VAPB: variants seen among roughly 807,000 people sequenced by gnomAD.
VAPB encodes vesicle-associated membrane protein-associated protein B/C.
Under a neutral mutation model 25.6 loss-of-function variants are expected in VAPB, and 7 were observed. The ratio of observed to expected loss-of-function variants is 0.27; its 90% CI spans 0.16 to 0.51. The LOEUF is 0.51. Ranked by LOEUF, VAPB falls within the 20% of genes least tolerant of loss-of-function variation. VAPB has a pLI of 0.97. For missense variants in VAPB, 266 were observed against 301.3 expected (o/e 0.88, Z 0.87); for synonymous variants, 112 against 109.2 (o/e 1.03, Z -0.16).
chr20:58,427,063 A>G (rs1327724675), intron 2 of VAPB, among the ~76,000 whole-genome samples: 3 of 143,078 alleles, frequency 2.1e-5, no homozygotes, highest in East Asian at 4.3e-4. Flanking sequence ...TATGATGCAG[A>G]CGAAAGTGAT....
chr20:58,410,028 A>C (rs1352699376), intron 1 of VAPB, among the ~76,000 whole-genome samples: 1 of 152,116 alleles, frequency 6.6e-6, no homozygotes, highest in Non-Finnish European at 1.5e-5. Flanking sequence ...AAAAGACCAA[A>C]TGCTTTTTCC....
intron 2 of VAPB, among the ~76,000 whole-genome samples, chr20:58,425,769 A>G (rs2123071547): frequency 6.6e-6 from 1 of 152,338 alleles, no homozygotes; most frequent in African/African-American, 2.4e-5. Context: ...CAGCCCTGCT[A>G]ACACAAAAAT....
In VAPB at chr20:58,448,532, GCAA is replaced by G; in HGVS notation, c.*4299_*4301del. 2.2e-6 allele frequency: 1 copy of G among 454,040 alleles called. No homozygotes were observed. 28.1% of individuals were successfully genotyped at this position (454,040 alleles called of 1,614,324 possible). A position where few individuals can be genotyped will look rare whatever the true frequency, so the allele number is the denominator to read the frequency against. ...TAAAGGCTCCAGGAGGTTAAATCGG[GCAA>G]CTTTTTAGAACTAAATCAGTCTCTG... On this transcript the variant is annotated 3_prime_UTR_variant, in exon 6 of 6. Coordinates refer to ENST00000475243, the MANE Select transcript of VAPB (RefSeq NM_004738.5).
intron 2 of VAPB, among the ~76,000 whole-genome samples, chr20:58,426,252 G>T (rs1453564284): frequency 6.6e-6 from 1 of 152,116 alleles, no homozygotes; most frequent in African/African-American, 2.4e-5. Flanking sequence ...AGCCTGGAGT[G>T]CATGCCGCTC....
chr20:58,421,819 A>G (rs1370605520), intron 2 of VAPB, among the ~76,000 whole-genome samples: 2 of 152,196 alleles, frequency 1.3e-5, no homozygotes, highest in Admixed American at 6.5e-5. Context: ...TTGAAGGCAC[A>G]CAGGTTCAGA....
At chr20:58,411,764 C>T (rs188998532) in intron 1 of VAPB, among the ~76,000 whole-genome samples, 18 of 152,178 alleles carry the variant, frequency 1.2e-4, no homozygotes, top group Admixed American at 5.9e-4. Context: ...TTGGAAGCTC[C>T]GCCTCCCTGG....
intron 1 of VAPB, among the ~76,000 whole-genome samples, chr20:58,413,495 C>T (rs532686621): frequency 4.2e-4 from 64 of 152,200 alleles, no homozygotes; most frequent in Non-Finnish European, 5.1e-4. Flanking sequence ...GATCCCAAGG[C>T]AGAAGTTTTC....
chr20:58,432,192 C>T (rs939628995), intron 2 of VAPB, among the ~76,000 whole-genome samples: 1 of 152,090 alleles, frequency 6.6e-6, no homozygotes, highest in Admixed American at 6.5e-5. Context: ...GCAGGCAGAG[C>T]TTCCTGGGGC....
chr20:58,418,157 A>C (rs1248454236), intron 1 of VAPB, 54 bp from the exon 2 acceptor site: 2 of 1,611,990 alleles, frequency 1.2e-6, no homozygotes. Flanking sequence ...TTTTCCACAA[A>C]CCTTCTAAAC....
intron 1 of VAPB, among the ~76,000 whole-genome samples, chr20:58,390,868 C>T (rs998755530): frequency 1.3e-4 from 20 of 152,146 alleles, no homozygotes; most frequent in African/African-American, 4.8e-4. Flanking sequence ...CTGGGAAATA[C>T]TCCAGAACGG....
Position 58,389,257 on chromosome 20 carries a change from GCCTCGC to G in VAPB, c.-192_-187del, listed in dbSNP as rs765965868. ...TGCCGTCAGCTCGCCGGGCACCGCG[GCCTCGC>G]CCTCGCCCTCCGCCCCTGCGCCTGC... On this transcript the variant is annotated 5_prime_UTR_variant, in exon 1 of 6. Transcript: ENST00000475243. The G allele has an allele frequency of 3.0e-6, 2 of 670,770 alleles. No homozygotes were observed. The highest frequency in any genetic ancestry group is 3.1e-5 in the South Asian group (2 of 65,170). The allele number at this position is 670,770 out of a possible 1,614,324, so 41.6% of individuals were successfully genotyped here. A position where few individuals can be genotyped will look rare whatever the true frequency, so the allele number is the denominator to read the frequency against.
chr20:58,423,589 G>T (rs185564679), intron 2 of VAPB, among the ~76,000 whole-genome samples: 46 of 152,174 alleles, frequency 3.0e-4, no homozygotes, highest in Middle Eastern at 3.4e-3. Flanking sequence ...CTGTTTGGTG[G>T]CCCTGGAGCA....
rs944024078 is a variant in VAPB, at chr20:58,450,128, G to A, written c.*5893G>A. The A allele has an allele frequency of 1.8e-5, 8 of 453,928 alleles. No homozygotes were observed. Among genetic ancestry groups the A allele is most frequent in the Admixed American group, 4.7e-5 (2 of 42,544 alleles). The allele number at this position is 453,928 out of a possible 1,614,324, so 28.1% of individuals were successfully genotyped here. A position where few individuals can be genotyped will look rare whatever the true frequency, so the allele number is the denominator to read the frequency against. On this transcript the variant is annotated 3_prime_UTR_variant, in exon 6 of 6. Transcript: ENST00000475243. ...ACAAAAAAGTCCTGGCTGTTTCTCC[G>A]AACTGGCTGCCTGCATTCCCGTCTT...
chr20:58,399,497 G>A (rs1020673698), intron 1 of VAPB, among the ~76,000 whole-genome samples: 3 of 151,798 alleles, frequency 2.0e-5, no homozygotes, highest in Non-Finnish European at 4.4e-5. Flanking sequence ...TGGGTGGATC[G>A]CTTGAGCTCA....
intron 1 of VAPB, among the ~76,000 whole-genome samples, chr20:58,414,718 G>A (rs376612754): frequency 2.0e-5 from 3 of 150,984 alleles, no homozygotes; most frequent in African/African-American, 4.9e-5. Context: ...GCGGCCGGTC[G>A]GAGACGCTCC....
chr20:58,418,437 A>G lies in VAPB; in HGVS notation c.211+74A>G. 1.9e-6 allele frequency: 3 copies of G among 1,573,202 alleles called. No individual in the cohort carries two copies. The South Asian group carries it at 3.4e-5, about 18-fold the overall frequency. On this transcript the variant is annotated intron_variant, in intron 2 of 5. Transcript: ENST00000475243. ...GACAGTAGGTTTTCTTAAAGTTTGT[A>G]TTTGCAGTGTAGCAGAAGAAGATGA...
chr20:58,420,783 A>G (rs186828181), intron 2 of VAPB, among the ~76,000 whole-genome samples: 21 of 152,310 alleles, frequency 1.4e-4, no homozygotes, highest in Admixed American at 1.2e-3. Context: ...ACCAGATGTC[A>G]TTGCATTTCT....
At position 58,445,186 on chromosome 20, in the gene VAPB, G is replaced by C. The variant is rs1043454424; in HGVS notation, c.*951G>C. The C allele has an allele frequency of 5.5e-5, 25 of 454,062 alleles. No homozygotes were observed. Among genetic ancestry groups the C allele is most frequent in the African/African-American group, 4.8e-4 (24 of 49,988 alleles). 28.1% of individuals were successfully genotyped at this position (454,062 alleles called of 1,614,324 possible). A position where few individuals can be genotyped will look rare whatever the true frequency, so the allele number is the denominator to read the frequency against. On this transcript the variant is annotated 3_prime_UTR_variant, in exon 6 of 6. Coordinates refer to ENST00000475243, the MANE Select transcript of VAPB (RefSeq NM_004738.5). ...ACTGTCATAGGGAGGGAAATTCTCA[G>C]TAGTGACAGTCAACTCTAGGTTACC...
rs549889363 is a variant in VAPB at position 58,448,905 on chromosome 20, G to A, written c.*4670G>A. The stretch of plus-strand genomic sequence containing the variant: ...GTCTCGGCAAGGAGATGATGGGAGC[G>A]CTTTATATGGAGGCTTTACATGACT... On this transcript the variant is annotated 3_prime_UTR_variant, in exon 6 of 6. Coordinates refer to ENST00000475243, the MANE Select transcript of VAPB (RefSeq NM_004738.5). The A allele has an allele frequency of 5.7e-5, 26 of 454,084 alleles. No individual in the cohort carries two copies. The highest frequency in any genetic ancestry group is 1.0e-4 in the African/African-American group (5 of 50,120). The allele number at this position is 454,084 out of a possible 1,614,324, so 28.1% of individuals were successfully genotyped here.
Sources: gnomAD v4.1 joint callset for allele counts (sites outside exome capture counted in the v4.1 genomes callset) on GRCh38, gnomAD v4.1.1 for gene constraint, MANE v1.5 for transcripts, NCBI Gene and HGNC (gene_info 2026-07-23, HGNC 2026-07-21) for gene names.